Variants in RETREG3 observed in about 807,000 individuals in gnomAD.
RETREG3 encodes reticulophagy regulator 3.
Under a neutral mutation model 50.2 loss-of-function variants are expected in RETREG3, and 23 were observed. The observed-to-expected ratio is 0.46, with a 90% CI of 0.33 to 0.65. The LOEUF is 0.65. Ranked by LOEUF, RETREG3 falls within the 30% of genes least tolerant of loss-of-function variation. RETREG3 has a pLI of 0.02. For missense variants in RETREG3, 546 were observed against 598.0 expected (o/e 0.91, Z 0.91); for synonymous variants, 240 against 234.4 (o/e 1.02, Z -0.22).
At chr17:42,598,183 A>T (rs2093151803) in intron 1 of RETREG3, among the ~76,000 whole-genome samples, 1 of 149,854 alleles carries the variant, frequency 6.7e-6, no homozygotes, top group Non-Finnish European at 1.5e-5. Flanking sequence ...GGGTTTTACC[A>T]TGTTAGCTAG....
chr17:42,583,348 C>T, intron 7 of RETREG3, 150 bp downstream of exon 7: 1 of 602,470 alleles, frequency 1.7e-6, no homozygotes. Flanking sequence ...AAATTGAGAT[C>T]TAGGAACAAA....
At chr17:42,594,963 C>CCTTT (rs1555629522) in intron 1 of RETREG3, among the ~76,000 whole-genome samples, 5 of 125,282 alleles carry the variant, frequency 4.0e-5, no homozygotes, top group African/African-American at 1.5e-4. Flanking sequence ...TTTTTTTTTA[C>CCTTT]TTTTTTTTTT....
chr17:42,588,221 C>T (rs2093125101), intron 2 of RETREG3, among the ~76,000 whole-genome samples: 2 of 152,168 alleles, frequency 1.3e-5, no homozygotes, highest in Admixed American at 6.5e-5. Context: ...ACACAAGGTA[C>T]GTTGTAACAA....
chr17:42,594,973 T>C (rs528153507), intron 1 of RETREG3, among the ~76,000 whole-genome samples: 1 of 147,158 alleles, frequency 6.8e-6, no homozygotes, highest in African/African-American at 2.5e-5. Context: ...CTTTTTTTTT[T>C]TTTTTTTTTT....
intron 1 of RETREG3, chr17:42,608,832 A>C: frequency 1.9e-6 from 1 of 518,232 alleles, no homozygotes; most frequent in Non-Finnish European, 3.4e-6. Flanking sequence ...TCAAGATGTT[A>C]CCAGAAGCTC....
chr17:42,608,564 CT>C (rs2143441539), intron 1 of RETREG3: 1 of 152,494 alleles, frequency 6.6e-6, no homozygotes, highest in Non-Finnish European at 1.5e-5. Context: ...GGGGCTCACA[CT>C]GACGCTTAGA....
chr17:42,597,701 A>G (rs1199691759), intron 1 of RETREG3, among the ~76,000 whole-genome samples: 1 of 122,704 alleles, frequency 8.1e-6, no homozygotes, highest in African/African-American at 3.2e-5. Flanking sequence ...ACAGATCTCC[A>G]CTCACTTCAA....
Position 42,609,332 on chromosome 17 carries a change from C to A in RETREG3, c.-8G>T. On this transcript the variant is annotated 5_prime_UTR_variant, in exon 1 of 9. Coordinates refer to ENST00000309428, the MANE Select transcript of RETREG3 (RefSeq NM_178126.4). ...CCCTTCGGCCTCAGCCATCTCCCCG[C>A]GGCAGCCACAACATCCGGGGCCGTG... is the stretch of plus-strand genomic sequence containing the variant. 1 of 1,593,618 alleles carries A rather than the reference C, an allele frequency of 6.3e-7. No individual in the cohort carries two copies.
At chr17:42,589,439 A>G (rs1459348545) in intron 2 of RETREG3, among the ~76,000 whole-genome samples, 1 of 152,020 alleles carries the variant, frequency 6.6e-6, no homozygotes, top group Non-Finnish European at 1.5e-5. Flanking sequence ...ATATATAACA[A>G]TTATTATTTT....
intron 1 of RETREG3, among the ~76,000 whole-genome samples, chr17:42,607,164 T>C (rs1796922115): frequency 6.6e-6 from 1 of 151,978 alleles, no homozygotes; most frequent in Admixed American, 6.6e-5. Flanking sequence ...ATAGTGAAGA[T>C]TTCTACAGAG....
chr17:42,597,591 A>ATTTTGTG (rs1597739928), intron 1 of RETREG3, among the ~76,000 whole-genome samples: 15 of 8,082 alleles, frequency 1.9e-3, no homozygotes, highest in Admixed American at 7.4e-3. Context: ...GTATATATAT[A>ATTTTGTG]TATATATATA....
At chr17:42,603,218 T>G (rs983966924) in intron 1 of RETREG3, among the ~76,000 whole-genome samples, 1 of 152,164 alleles carries the variant, frequency 6.6e-6, no homozygotes, top group Non-Finnish European at 1.5e-5. Context: ...GGAGCCTCAC[T>G]ATTAGTACCA....
At chr17:42,608,046 A>C (rs2093171574) in intron 1 of RETREG3, among the ~76,000 whole-genome samples, 1 of 152,202 alleles carries the variant, frequency 6.6e-6, no homozygotes, top group Non-Finnish European at 1.5e-5. Flanking sequence ...TTTCAGATAA[A>C]GGATAATAAA....
In RETREG3 at chr17:42,600,066, T is replaced by TA. The variant is rs540504726; in HGVS notation, c.240-7905dup. 7.0e-3 allele frequency among the ~76,000 whole-genome samples: 1,029 copies of TA among 147,258 alleles called. 8 individuals are homozygous for TA. The highest frequency in any genetic ancestry group is 0.014 in the Admixed American group (212 of 14,744). ...TTGGTTTGTGGGGAAAAAAAGAGTT[T>TA]AAAAAAAAAACAACAAATAAAACCA... is the stretch of plus-strand genomic sequence containing the variant. On this transcript the variant is annotated intron_variant, in intron 1 of 8. Coordinates refer to ENST00000309428, the MANE Select transcript of RETREG3 (RefSeq NM_178126.4).
At chr17:42,586,517 T>C (rs2093121555) in intron 4 of RETREG3, 1 of 430,444 alleles carries the variant, frequency 2.3e-6, no homozygotes, top group African/African-American at 2.0e-5. Context: ...CAAGAAAGCT[T>C]TCTTTCCTAT....
At chr17:42,606,938 A>C (rs1460856944) in intron 1 of RETREG3, among the ~76,000 whole-genome samples, 1 of 152,058 alleles carries the variant, frequency 6.6e-6, no homozygotes, top group Non-Finnish European at 1.5e-5. Context: ...AGGAGGTTGT[A>C]GTGAGCTGAG....
chr17:42,608,865 G>T, intron 1 of RETREG3: 1 of 545,204 alleles, frequency 1.8e-6, no homozygotes, highest in Non-Finnish European at 3.2e-6. Context: ...CGGGGCGGGG[G>T]TGCGGGCACA....
chr17:42,582,876 AC>A, intron 7 of RETREG3, 70 bp from the exon 8 acceptor site: 1 of 1,586,796 alleles, frequency 6.3e-7, no homozygotes, highest in Non-Finnish European at 8.6e-7. Flanking sequence ...GTACAGCTTT[AC>A]TAATCAGCTA....
chr17:42,589,106 CAAAAA>C (rs58887647), intron 2 of RETREG3, among the ~76,000 whole-genome samples: 1 of 132,852 alleles, frequency 7.5e-6, no homozygotes. Context: ...TGTCTCTAAC[CAAAAA>C]AAAAAAAAAA....
Sources: gnomAD v4.1 joint callset for allele counts (sites outside exome capture counted in the v4.1 genomes callset) on GRCh38, gnomAD v4.1.1 for gene constraint, MANE v1.5 for transcripts, NCBI Gene and HGNC (gene_info 2026-07-23, HGNC 2026-07-21) for gene names.